Variants in PEPD observed in about 807,000 individuals in gnomAD.
The protein encoded by PEPD is xaa-Pro dipeptidase.
In PEPD, 53 loss-of-function variants were observed where a neutral mutation model predicts 60.7. That is an observed-to-expected ratio of 0.87 (90% CI 0.70 to 1.10). The LOEUF is 1.10. Ranked by LOEUF, PEPD falls within the 50% of genes least tolerant of loss-of-function variation. The pLI, the probability that PEPD is intolerant of heterozygous loss-of-function variation, is 0.00. For missense variants in PEPD, 711 were observed against 711.9 expected (o/e 1.00, Z 0.01); for synonymous variants, 267 against 284.1 (o/e 0.94, Z 0.60).
intron 11 of PEPD, among the ~76,000 whole-genome samples, chr19:33,409,344 C>T (rs560919751): frequency 1.8e-4 from 27 of 152,310 alleles, no homozygotes; most frequent in Non-Finnish European, 2.6e-4. Context: ...CAGGCCCAGC[C>T]AGAATGCGCT....
chr19:33,513,745 C>T (rs533716103), intron 1 of PEPD, among the ~76,000 whole-genome samples: 1 of 152,328 alleles, frequency 6.6e-6, no homozygotes, highest in Non-Finnish European at 1.5e-5. Context: ...CCCCAGTTCA[C>T]CCTTGGCTTC....
chr19:33,449,096 G>C (rs2145247824), intron 9 of PEPD, among the ~76,000 whole-genome samples: 1 of 152,364 alleles, frequency 6.6e-6, no homozygotes, highest in Middle Eastern at 3.4e-3. Context: ...GGGGAAGGCA[G>C]GCAGCAAATG....
Position 33,428,657 on chromosome 19 carries a change from C to T in PEPD, c.672-15014G>A, listed in dbSNP as rs114866732. Among the ~76,000 whole-genome samples the T allele has an allele frequency of 2.9e-3, 442 of 152,328 alleles. 2 individuals are homozygous for T. The highest frequency in any genetic ancestry group is 0.01 in the African/African-American group (420 of 41,586). The stretch of plus-strand genomic sequence containing the variant: ...CTCCCACCTCTCACCACCAAAAGCC[C>T]TCTGTAGGCAAGTCCCTCCCCACAC... On this transcript the variant is annotated intron_variant, in intron 9 of 14. Coordinates refer to ENST00000244137, the MANE Select transcript of PEPD (RefSeq NM_000285.4).
chr19:33,500,205 G>A (rs1298217883), intron 4 of PEPD, among the ~76,000 whole-genome samples: 1 of 152,238 alleles, frequency 6.6e-6, no homozygotes, highest in Non-Finnish European at 1.5e-5. Flanking sequence ...AGGACGTGGG[G>A]TTGTGACAGC....
At chr19:33,504,623 G>A (rs1314738481) in intron 3 of PEPD, among the ~76,000 whole-genome samples, 2 of 152,130 alleles carry the variant, frequency 1.3e-5, no homozygotes, top group Admixed American at 6.5e-5. Context: ...AAAATTAGCT[G>A]GGTGTGGTGG....
At chr19:33,405,113 C>T (rs1358588017) in intron 11 of PEPD, among the ~76,000 whole-genome samples, 5 of 152,228 alleles carry the variant, frequency 3.3e-5, no homozygotes, top group Non-Finnish European at 7.3e-5. Flanking sequence ...CTCCAAACAA[C>T]GTGCTGGCGT....
intron 9 of PEPD, among the ~76,000 whole-genome samples, chr19:33,422,818 A>ATC (rs59966788): frequency 4.3e-4 from 56 of 131,208 alleles, no homozygotes; most frequent in African/African-American, 1.4e-3. Context: ...CCATCCTTCT[A>ATC]TATCTATCTA....
chr19:33,397,060 C>A (rs754788325), intron 12 of PEPD, among the ~76,000 whole-genome samples: 14 of 152,164 alleles, frequency 9.2e-5, no homozygotes, highest in Non-Finnish European at 2.1e-4. Context: ...CCCACCCAAC[C>A]TCCCGTGCAT....
chr19:33,423,095 TCATCCATCCATCCATC>T, intron 9 of PEPD, among the ~76,000 whole-genome samples: 1 of 147,458 alleles, frequency 6.8e-6, no homozygotes, highest in South Asian at 2.2e-4. Flanking sequence ...TACCTACTTA[TCATCCATCCATCCATC>T]CATCCATCCA....
intron 1 of PEPD, among the ~76,000 whole-genome samples, chr19:33,516,515 G>A (rs1420914398): frequency 1.3e-5 from 2 of 152,070 alleles, no homozygotes; most frequent in Admixed American, 1.3e-4. Context: ...CAAGAACGGA[G>A]TGACCAAGAC....
At chr19:33,481,403 C>CT (rs58183251) in intron 6 of PEPD, among the ~76,000 whole-genome samples, 102 of 52,934 alleles carry the variant, frequency 1.9e-3, no homozygotes, top group African/African-American at 0.012. Context: ...CCCATCTCTA[C>CT]GAAAATACAA....
At chr19:33,408,157 A>T (rs1350500215) in intron 11 of PEPD, among the ~76,000 whole-genome samples, 1 of 152,224 alleles carries the variant, frequency 6.6e-6, no homozygotes, top group Non-Finnish European at 1.5e-5. Flanking sequence ...CGCTTGATGT[A>T]CGCATCATGG....
intron 11 of PEPD, among the ~76,000 whole-genome samples, chr19:33,402,653 C>T (rs1451320246): frequency 2.0e-5 from 3 of 152,208 alleles, no homozygotes; most frequent in Admixed American, 6.5e-5. Context: ...GGCCACATGT[C>T]CCCGAAGCCA....
intron 9 of PEPD, among the ~76,000 whole-genome samples, chr19:33,451,563 G>T (rs1205350196): frequency 1.3e-5 from 2 of 152,122 alleles, no homozygotes; most frequent in Non-Finnish European, 2.9e-5. Flanking sequence ...ACAAAATAAG[G>T]CTGTAGAAAA....
At chr19:33,486,441 ACCATCCCGGCCTACAC>A (rs1173196996) in intron 6 of PEPD, among the ~76,000 whole-genome samples, 2 of 151,676 alleles carry the variant, frequency 1.3e-5, no homozygotes, top group Non-Finnish European at 2.9e-5. Context: ...GCCCCTACAG[ACCATCCCGGCCTACAC>A]CCTTCACGCT....
At chr19:33,434,020 T>C (rs1174289842) in intron 9 of PEPD, among the ~76,000 whole-genome samples, 2 of 152,152 alleles carry the variant, frequency 1.3e-5, no homozygotes, top group Non-Finnish European at 2.9e-5. Context: ...TCTTGTCTCC[T>C]AGAGGGTTCG....
intron 9 of PEPD, among the ~76,000 whole-genome samples, chr19:33,444,020 G>C (rs926763831): frequency 3.3e-5 from 5 of 152,238 alleles, no homozygotes; most frequent in African/African-American, 1.2e-4. Flanking sequence ...GGGAGGGTGA[G>C]AAGAGTGTGT....
intron 9 of PEPD, among the ~76,000 whole-genome samples, chr19:33,416,925 G>T (rs1218917629): frequency 6.6e-6 from 1 of 152,244 alleles, no homozygotes; most frequent in Admixed American, 6.5e-5. Context: ...GGAGCAGCAA[G>T]TTCCCAGACC....
At chr19:33,495,408 G>C (rs1349497741) in intron 4 of PEPD, among the ~76,000 whole-genome samples, 1 of 150,454 alleles carries the variant, frequency 6.6e-6, no homozygotes, top group African/African-American at 2.5e-5. Flanking sequence ...TGAGGCAGAA[G>C]AATCGCTTGA....
Sources: gnomAD v4.1 joint callset for allele counts (sites outside exome capture counted in the v4.1 genomes callset) on GRCh38, gnomAD v4.1.1 for gene constraint, MANE v1.5 for transcripts, NCBI Gene and HGNC (gene_info 2026-07-23, HGNC 2026-07-21) for gene names.